Variants in FANCC observed in about 807,000 individuals in gnomAD.
FANCC encodes the protein Fanconi anemia group C protein.
A neutral mutation model predicts 71.3 loss-of-function variants in FANCC; 55 were observed. The ratio of observed to expected loss-of-function variants is 0.77; its 90% CI spans 0.62 to 0.97. The LOEUF is 0.97. Among genes scored for constraint, FANCC ranks in the 50% least tolerant of loss-of-function variants. The pLI, the probability that FANCC is intolerant of heterozygous loss-of-function variation, is 0.00. For missense variants in FANCC, 678 were observed against 670.9 expected (o/e 1.01, Z -0.12); for synonymous variants, 275 against 244.9 (o/e 1.12, Z -1.15).
chr9:95,276,762 C>A (rs1214426966), intron 1 of FANCC, among the ~76,000 whole-genome samples: 1 of 152,194 alleles, frequency 6.6e-6, no homozygotes, highest in East Asian at 1.9e-4. Flanking sequence ...TACAAAGTTA[C>A]AGTTAGACAG....
chr9:95,282,849 T>C (rs1833452913), intron 1 of FANCC, among the ~76,000 whole-genome samples: 1 of 152,074 alleles, frequency 6.6e-6, no homozygotes, highest in African/African-American at 2.4e-5. Flanking sequence ...AATGAATAAA[T>C]TTAAAGAGAA....
intron 4 of FANCC, among the ~76,000 whole-genome samples, chr9:95,192,249 G>A (rs949035510): frequency 1.3e-4 from 20 of 152,170 alleles, no homozygotes; most frequent in African/African-American, 4.3e-4. Flanking sequence ...GGTAGACATC[G>A]TGTTGCTATG....
chr9:95,248,400 A>G (rs1831128373), intron 2 of FANCC, among the ~76,000 whole-genome samples: 2 of 152,216 alleles, frequency 1.3e-5, no homozygotes, highest in South Asian at 4.1e-4. Context: ...GGTTGTTCAC[A>G]CAGACTGTAT....
intron 14 of FANCC, among the ~76,000 whole-genome samples, chr9:95,102,342 G>C (rs1243840356): frequency 6.6e-6 from 1 of 152,190 alleles, no homozygotes; most frequent in African/African-American, 2.4e-5. Context: ...TTTTTAATAG[G>C]CCTCTAAGGT....
chr9:95,117,175 C>G, intron 11 of FANCC, 140 bp downstream of exon 11: 1 of 772,164 alleles, frequency 1.3e-6, no homozygotes. Context: ...ATGTGGGATC[C>G]TGGGGGCTTA....
chr9:95,312,558 C>A (rs1188333954), intron 1 of FANCC, among the ~76,000 whole-genome samples: 1 of 152,198 alleles, frequency 6.6e-6, no homozygotes, highest in Non-Finnish European at 1.5e-5. Context: ...TGCTATGTTG[C>A]CCAGGCTTGT....
intron 1 of FANCC, among the ~76,000 whole-genome samples, chr9:95,262,842 T>C (rs1183367339): frequency 6.6e-6 from 1 of 152,134 alleles, no homozygotes; most frequent in Non-Finnish European, 1.5e-5. Context: ...CCATGCTAAG[T>C]GAAATCAGAC....
At chr9:95,240,868 T>C (rs1251366754) in intron 3 of FANCC, 125 bp from the exon 4 acceptor site, 7 of 669,914 alleles carry the variant, frequency 1.0e-5, no homozygotes, top group African/African-American at 5.5e-5. Flanking sequence ...TCCCTGAATA[T>C]AACATTTGCT....
chr9:95,314,397 T>TAATC (rs1418753993), intron 1 of FANCC, among the ~76,000 whole-genome samples: 1 of 152,228 alleles, frequency 6.6e-6, no homozygotes, highest in African/African-American at 2.4e-5. Flanking sequence ...CTCACGCCTG[T>TAATC]AATCCCAGCA....
chr9:95,304,749 CAAAAAAAA>C (rs35105777), intron 1 of FANCC, among the ~76,000 whole-genome samples: 100 of 44,504 alleles, frequency 2.2e-3, no homozygotes, highest in East Asian at 0.012. Context: ...GACTCTATCT[CAAAAAAAA>C]AAAAAAAAAA....
chr9:95,209,240 C>T (rs1828338147), intron 4 of FANCC, among the ~76,000 whole-genome samples: 1 of 152,134 alleles, frequency 6.6e-6, no homozygotes. Context: ...GGGGAATGAA[C>T]AGGGAGAGCA....
intron 1 of FANCC, among the ~76,000 whole-genome samples, chr9:95,300,086 G>A (rs910485676): frequency 9.9e-5 from 15 of 152,140 alleles, no homozygotes; most frequent in African/African-American, 3.4e-4. Flanking sequence ...CAATTCTATG[G>A]TCTCCCAAAT....
chr9:95,147,544 A>T lies in FANCC; in HGVS notation c.686+2379T>A, dbSNP rs77460642. Among the ~76,000 whole-genome samples the T allele has an allele frequency of 2.9e-3, 438 of 152,262 alleles. 1 individual carries two copies. Among genetic ancestry groups the T allele is most frequent in the African/African-American group, 0.01 (425 of 41,564 alleles). On this transcript the variant is annotated intron_variant, in intron 7 of 14. Transcript: ENST00000289081. The stretch of plus-strand genomic sequence containing the variant: ...AAAAGAAAAGAAAAGAAAAGATGAA[A>T]CTGACACATCAGAGAATTCTCTGAC...
intron 8 of FANCC, among the ~76,000 whole-genome samples, chr9:95,130,615 G>A (rs1173926284): frequency 1.3e-5 from 2 of 152,112 alleles, no homozygotes; most frequent in Non-Finnish European, 2.9e-5. Context: ...TTAGGAAATG[G>A]GTCATTTAAA....
chr9:95,311,793 G>T (rs1307405078), intron 1 of FANCC, among the ~76,000 whole-genome samples: 1 of 151,768 alleles, frequency 6.6e-6, no homozygotes, highest in African/African-American at 2.4e-5. Flanking sequence ...CAGAGTAACA[G>T]ATCTCAGATT....
Position 95,149,946 on chromosome 9 carries a change from C to T in FANCC, c.663G>A (p.Glu221=), listed in dbSNP as rs2135426464. Residue 221 remains glutamate, a synonymous_variant, in exon 7 of 15, where the codon GAG becomes GAA. Coordinates refer to ENST00000289081, the MANE Select transcript of FANCC (RefSeq NM_000136.3). ...ACAGCAAAATGGCCTCGTTTACAGCCTCAAAGAACTCTGGCTGGAGGATTT... is the reference window on the plus strand; with the variant it reads ...ACAGCAAAATGGCCTCGTTTACAGCTTCAAAGAACTCTGGCTGGAGGATTT... ...PQEILQPEFF[E]AVNEAILLKK... 1 of 1,609,092 alleles carries T rather than the reference C, an allele frequency of 6.2e-7. No individual in the cohort carries two copies.
At chr9:95,282,342 G>A (rs902952205) in intron 1 of FANCC, among the ~76,000 whole-genome samples, 6 of 152,202 alleles carry the variant, frequency 3.9e-5, no homozygotes, top group Non-Finnish European at 7.4e-5. Context: ...AATGGGGTTG[G>A]TCAATTCAGC....
At chr9:95,226,889 G>C (rs1225850551) in intron 4 of FANCC, among the ~76,000 whole-genome samples, 2 of 152,162 alleles carry the variant, frequency 1.3e-5, no homozygotes, top group Non-Finnish European at 2.9e-5. Context: ...CTCAAGGACT[G>C]ATGGATGTAG....
Position 95,282,561 on chromosome 9 carries a change from G to A in FANCC, c.-78-33192C>T, listed in dbSNP as rs185052226. 5.9e-5 allele frequency among the ~76,000 whole-genome samples: 9 copies of A among 152,206 alleles called. No homozygotes were observed. In the East Asian group the frequency reaches 1.5e-3, roughly 26 times the overall value. The stretch of plus-strand genomic sequence containing the variant: ...AAGTCAACAAAGAAACATCAGATAT[G>A]AACTGTACCCTAGACCAAATGGACC... On this transcript the variant is annotated intron_variant, in intron 1 of 14. Transcript: ENST00000289081.
Sources: allele counts gnomAD v4.1 joint callset (sites outside exome capture counted in the v4.1 genomes callset), GRCh38; gene constraint gnomAD v4.1.1; transcripts MANE v1.5; gene names NCBI Gene and HGNC (gene_info 2026-07-23, HGNC 2026-07-21).